The following GBE1 variants were observed in gnomAD, a reference collection of about 807,000 sequenced individuals.
GBE1 encodes 1,4-alpha-glucan-branching enzyme.
GBE1 carries 70 observed loss-of-function variants against 88.8 expected under a neutral mutation model. The observed-to-expected ratio is 0.79, with a 90% CI of 0.65 to 0.96. GBE1 has a LOEUF of 0.96. Ranked by LOEUF, GBE1 falls within the 40% of genes least tolerant of loss-of-function variation. The probability of loss-of-function intolerance (pLI) is 0.00; values close to 1 mark genes in which losing one functional copy is unlikely to be tolerated. For missense variants in GBE1, 872 were observed against 871.0 expected, an observed-to-expected ratio of 1.00 and a Z score of -0.01; for synonymous variants, 284 against 300.1, an observed-to-expected ratio of 0.95 and a Z score of 0.56.
intron 14 of GBE1, among the ~76,000 whole-genome samples, chr3:81,509,295 T>G: frequency 1.2e-5 from 1 of 83,948 alleles, no homozygotes; most frequent in South Asian, 4.1e-4. Context: ...AGGGTTTGTC[T>G]TTTTTTTTTT....
At chr3:81,710,918 A>G (rs1009338313) in intron 1 of GBE1, among the ~76,000 whole-genome samples, 10 of 152,210 alleles carry the variant, frequency 6.6e-5, no homozygotes, top group Admixed American at 1.3e-4. Context: ...CTCCAAATTG[A>G]TTTGAATATG....
rs144308693 is a variant in GBE1 at position 81,501,818 on chromosome 3, C to T, written c.1935-2591G>A. Among the ~76,000 whole-genome samples the T allele has an allele frequency of 3.8e-3, 578 of 150,436 alleles. 3 individuals are homozygous for T. Among genetic ancestry groups the T allele is most frequent in the African/African-American group, 5.7e-3 (233 of 40,816 alleles). ...CTCAAGCAATTTGTCCCACCTCAGC[C>T]TCTCAAGTAGTTGAGATCACAGACA... is the stretch of plus-strand genomic sequence containing the variant. On this transcript the variant is annotated intron_variant, in intron 14 of 15. Transcript: ENST00000429644.
intron 12 of GBE1, among the ~76,000 whole-genome samples, chr3:81,563,042 C>CTACG (rs1276124983): frequency 6.6e-6 from 1 of 152,026 alleles, no homozygotes; most frequent in Non-Finnish European, 1.5e-5. Context: ...GCACTCATCA[C>CTACG]TACGTTCTAT....
intron 1 of GBE1, among the ~76,000 whole-genome samples, chr3:81,735,517 C>T (rs989167130): frequency 6.6e-6 from 1 of 152,114 alleles, no homozygotes; most frequent in South Asian, 2.1e-4. Flanking sequence ...ACTAGTCAGC[C>T]AAGCCACTGG....
intron 10 of GBE1, among the ~76,000 whole-genome samples, chr3:81,583,117 T>G (rs1303473188): frequency 6.6e-6 from 1 of 152,054 alleles, no homozygotes; most frequent in African/African-American, 2.4e-5. Context: ...AATAAGCACA[T>G]GTTTGGTATC....
chr3:81,719,237 GAC>G (rs1330122662), intron 1 of GBE1, among the ~76,000 whole-genome samples: 2 of 152,010 alleles, frequency 1.3e-5, no homozygotes, highest in African/African-American at 4.8e-5. Context: ...TTGGTTTTGA[GAC>G]AGAGTTTTAT....
At chr3:81,586,532 CACA>C (rs1703805044) in intron 9 of GBE1, among the ~76,000 whole-genome samples, 1 of 152,160 alleles carries the variant, frequency 6.6e-6, no homozygotes, top group Non-Finnish European at 1.5e-5. Flanking sequence ...TTTCACCAAG[CACA>C]ACAATACATG....
At chr3:81,756,942 A>G (rs1282013757) in intron 1 of GBE1, among the ~76,000 whole-genome samples, 2 of 152,186 alleles carry the variant, frequency 1.3e-5, no homozygotes, top group Non-Finnish European at 2.9e-5. Flanking sequence ...AAATACAGGA[A>G]AAGATTCACT....
intron 14 of GBE1, among the ~76,000 whole-genome samples, chr3:81,530,186 C>G (rs1368753872): frequency 1.3e-5 from 2 of 151,824 alleles, no homozygotes; most frequent in Non-Finnish European, 2.9e-5. Context: ...GCATTTCAAT[C>G]TCTCTGTTAA....
intron 12 of GBE1, among the ~76,000 whole-genome samples, chr3:81,567,888 T>C (rs1703513714): frequency 6.6e-6 from 1 of 152,180 alleles, no homozygotes; most frequent in South Asian, 2.1e-4. Context: ...TTAAAATGCA[T>C]CTGAAGTTAT....
chr3:81,751,969 T>C (rs1706533653), intron 1 of GBE1, among the ~76,000 whole-genome samples: 1 of 152,206 alleles, frequency 6.6e-6, no homozygotes, highest in African/African-American at 2.4e-5. Context: ...GCTGGGTATT[T>C]GGAAAACTTC....
At chr3:81,754,017 T>A (rs1706569326) in intron 1 of GBE1, among the ~76,000 whole-genome samples, 2 of 152,148 alleles carry the variant, frequency 1.3e-5, no homozygotes, top group Non-Finnish European at 2.9e-5. Flanking sequence ...AGAAGCCAAA[T>A]TAGCCTTGTT....
At chr3:81,731,693 A>G (rs1425126222) in intron 1 of GBE1, among the ~76,000 whole-genome samples, 1 of 151,966 alleles carries the variant, frequency 6.6e-6, no homozygotes, top group African/African-American at 2.4e-5. Context: ...GGTTGTTTTA[A>G]AAGTGTGTAA....
At position 81,568,965 on chromosome 3, in the gene GBE1, T is replaced by C. The variant is rs182225812; in HGVS notation, c.1618+8960A>G. On this transcript the variant is annotated intron_variant, in intron 12 of 15. Transcript: ENST00000429644. ...GAAACTATTGACTATTAAAATGCCATAAACATTCCAGCTACCACCCCCCCA... is the reference window on the plus strand; with the variant it reads ...GAAACTATTGACTATTAAAATGCCACAAACATTCCAGCTACCACCCCCCCA... 1.9e-3 allele frequency among the ~76,000 whole-genome samples: 286 copies of C among 152,122 alleles called. 6 individuals are homozygous for C. Among genetic ancestry groups the C allele is most frequent in the Admixed American group, 0.017 (252 of 15,262 alleles).
At chr3:81,493,780 C>T (rs1484087765) in intron 15 of GBE1, among the ~76,000 whole-genome samples, 1 of 151,784 alleles carries the variant, frequency 6.6e-6, no homozygotes, top group African/African-American at 2.4e-5. Flanking sequence ...AGCTGTTCTG[C>T]CTGCCTCGGC....
intron 12 of GBE1, among the ~76,000 whole-genome samples, chr3:81,537,310 G>C (rs1703091254): frequency 6.6e-6 from 1 of 151,990 alleles, no homozygotes; most frequent in African/African-American, 2.4e-5. Context: ...CCAGGGTCCA[G>C]CTTCAGTTTG....
intron 1 of GBE1, among the ~76,000 whole-genome samples, chr3:81,714,247 G>T (rs753755441): frequency 2.0e-5 from 3 of 152,134 alleles, no homozygotes; most frequent in Non-Finnish European, 2.9e-5. Flanking sequence ...TTATCCATCA[G>T]ATTCTTTCAA....
intron 14 of GBE1, among the ~76,000 whole-genome samples, chr3:81,511,037 A>T (rs1260429197): frequency 6.6e-6 from 1 of 152,052 alleles, no homozygotes; most frequent in East Asian, 1.9e-4. Flanking sequence ...GATAATTTTT[A>T]TTTATCAGTT....
chr3:81,594,213 G>A (rs1027602066), intron 7 of GBE1, among the ~76,000 whole-genome samples, 190 bp from the exon 8 acceptor site: 2 of 151,924 alleles, frequency 1.3e-5, no homozygotes, highest in Non-Finnish European at 2.9e-5. Context: ...CATTCTAAAA[G>A]GAAAATTATT....
Sources: allele counts gnomAD v4.1 joint callset (sites outside exome capture counted in the v4.1 genomes callset), GRCh38; gene constraint gnomAD v4.1.1; transcripts MANE v1.5; gene names NCBI Gene and HGNC (gene_info 2026-07-23, HGNC 2026-07-21).